FYB1: variants seen among roughly 807,000 people sequenced by gnomAD.
FYB1 encodes FYN-binding protein 1.
A neutral mutation model predicts 94.1 loss-of-function variants in FYB1; 41 were observed. The observed-to-expected ratio is 0.44, with a 90% confidence interval of 0.34 to 0.57. The LOEUF (loss-of-function observed/expected upper bound fraction) is 0.57. Ranked by LOEUF, FYB1 falls within the 20% of genes least tolerant of loss-of-function variation. FYB1 has a pLI of 0.02. For missense variants in FYB1, 1,050 were observed against 976.8 expected, an observed-to-expected ratio of 1.07 and a Z score of -1.00; for synonymous variants, 367 against 353.2, an observed-to-expected ratio of 1.04 and a Z score of -0.44.
chr5:39,136,084 T>C (rs1561157344), intron 7 of FYB1, among the ~76,000 whole-genome samples: 1 of 152,190 alleles, frequency 6.6e-6, no homozygotes, highest in Non-Finnish European at 1.5e-5. Context: ...TGTTATTTTT[T>C]TTTGAGATGG....
At chr5:39,153,750 A>G in intron 2 of FYB1, 146 bp from the exon 3 acceptor site, 1 of 709,230 alleles carries the variant, frequency 1.4e-6, no homozygotes, top group Non-Finnish European at 2.3e-6. Flanking sequence ...GAGTATGTTT[A>G]TTTTATTATT....
intron 14 of FYB1, among the ~76,000 whole-genome samples, chr5:39,120,563 G>A (rs1739995612): frequency 1.3e-5 from 2 of 152,008 alleles, no homozygotes; most frequent in African/African-American, 2.4e-5. Flanking sequence ...GCAAGGTCCA[G>A]GTAGTGCTAG....
intron 2 of FYB1, among the ~76,000 whole-genome samples, chr5:39,187,734 G>T (rs1467322671): frequency 6.6e-6 from 1 of 152,170 alleles, no homozygotes; most frequent in Non-Finnish European, 1.5e-5. Flanking sequence ...TATCAACATA[G>T]AGGCAGCTCT....
chr5:39,176,211 C>T (rs10079385), intron 2 of FYB1, among the ~76,000 whole-genome samples: 3,932 of 136,398 alleles, frequency 0.029, 187 homozygotes, highest in African/African-American at 0.1. Flanking sequence ...AGTGCAATGG[C>T]GCGATCTTGG....
chr5:39,236,218 A>C lies in FYB1; in HGVS notation c.-27-33231T>G, dbSNP rs1053892303. ...TTCCTTTGCTTTGAAGTTAAGGATA[A>C]ATATGAAAATAATCACTAGAAAATT... On this transcript the variant is annotated intron_variant, in intron 1 of 1. Coordinates refer to the FYB1 transcript ENST00000510188. Among the ~76,000 whole-genome samples, 4 of 152,104 alleles carry C rather than the reference A, an allele frequency of 2.6e-5. 1 individual carries two copies. In the South Asian group the frequency reaches 8.3e-4, roughly 31 times the overall value.
chr5:39,224,939 T>C (rs1303603595), intron 1 of FYB1, among the ~76,000 whole-genome samples: 1 of 152,140 alleles, frequency 6.6e-6, no homozygotes, highest in African/African-American at 2.4e-5. Flanking sequence ...AGAAATGCAT[T>C]TATATTACGG....
intron 1 of FYB1, among the ~76,000 whole-genome samples, chr5:39,216,231 A>C (rs187145479): frequency 1.3e-5 from 2 of 152,348 alleles, no homozygotes. Flanking sequence ...ACACGCCCTT[A>C]CAAAACTCCC....
chr5:39,235,775 A>G (rs1292770907), intron 1 of FYB1, among the ~76,000 whole-genome samples: 2 of 152,086 alleles, frequency 1.3e-5, no homozygotes, highest in African/African-American at 4.8e-5. Flanking sequence ...CTAATATATC[A>G]TCAGCTGCCA....
intron 8 of FYB1, 63 bp from the exon 9 acceptor site, chr5:39,134,412 T>A: frequency 3.0e-6 from 4 of 1,329,586 alleles, no homozygotes; most frequent in Non-Finnish European, 4.1e-6. Context: ...AAGTTGTGAA[T>A]AAAATATCAA....
intron 16 of FYB1, among the ~76,000 whole-genome samples, chr5:39,111,134 C>T (rs999237618): frequency 2.0e-5 from 3 of 151,872 alleles, no homozygotes; most frequent in Non-Finnish European, 4.4e-5. Context: ...ATTTGCCTCT[C>T]ATTGTGCAAA....
At chr5:39,112,979 G>A (rs1174633533) in intron 16 of FYB1, among the ~76,000 whole-genome samples, 1 of 152,040 alleles carries the variant, frequency 6.6e-6, no homozygotes, top group East Asian at 1.9e-4. Context: ...TGATAACACG[G>A]GGCTTGTTAG....
chr5:39,197,107 G>A (rs1483570147), intron 2 of FYB1, among the ~76,000 whole-genome samples: 1 of 152,094 alleles, frequency 6.6e-6, no homozygotes, highest in East Asian at 1.9e-4. Flanking sequence ...AGTTTAAAAG[G>A]CATATAGAGT....
chr5:39,185,616 A>G (rs1440620860), intron 2 of FYB1, among the ~76,000 whole-genome samples: 1 of 141,296 alleles, frequency 7.1e-6, no homozygotes, highest in Non-Finnish European at 1.5e-5. Flanking sequence ...ACACATATAT[A>G]TATATACACA....
At chr5:39,166,452 A>G (rs1744748699) in intron 2 of FYB1, among the ~76,000 whole-genome samples, 1 of 144,924 alleles carries the variant, frequency 6.9e-6, no homozygotes, top group Non-Finnish European at 1.5e-5. Flanking sequence ...AAAAAAAAAA[A>G]GAAATAAAGA....
intron 1 of FYB1, among the ~76,000 whole-genome samples, chr5:39,215,978 G>GA (rs1749831068): frequency 6.6e-6 from 1 of 152,078 alleles, no homozygotes; most frequent in South Asian, 2.1e-4. Flanking sequence ...GAAGAGGAGA[G>GA]GGCCATTTTA....
chr5:39,113,278 C>G (rs2150261901), intron 16 of FYB1, among the ~76,000 whole-genome samples: 1 of 152,062 alleles, frequency 6.6e-6, no homozygotes, highest in African/African-American at 2.4e-5. Context: ...CATGAAATAA[C>G]AACAACAACA....
chr5:39,107,408 C>A lies in FYB1; in HGVS notation c.*35G>T. The A allele has an allele frequency of 2.0e-6, 3 of 1,471,224 alleles. No homozygotes were observed. Among genetic ancestry groups the A allele is most frequent in the Admixed American group, 2.2e-5 (1 of 45,888 alleles). 91.1% of individuals were successfully genotyped at this position (1,471,224 alleles called of 1,614,324 possible). ...TTAAAATCCAGACTTCACATTGGCACCTAATGAACACAGCAGAATGACCAA... is the reference window on the plus strand; with the variant it reads ...TTAAAATCCAGACTTCACATTGGCAACTAATGAACACAGCAGAATGACCAA... On this transcript the variant is annotated 3_prime_UTR_variant, in exon 19 of 19. Transcript: ENST00000512982.
chr5:39,242,117 T>G (rs1751236027), intron 1 of FYB1, among the ~76,000 whole-genome samples: 1 of 152,088 alleles, frequency 6.6e-6, no homozygotes, highest in East Asian at 1.9e-4. Context: ...CTCAAAACAT[T>G]TTTCAATCTA....
Position 39,237,817 on chromosome 5 carries a change from G to A in FYB1, c.-27-34830C>T, listed in dbSNP as rs192961699. Among the ~76,000 whole-genome samples the A allele has an allele frequency of 7.9e-5, 12 of 152,210 alleles. No homozygotes were observed. The East Asian group carries it at 2.3e-3, about 29-fold the overall frequency. ...GAATGAGAGGTTTCTTAGAGATAGA[G>A]ATTATCTGCATTGAAAATGGAAATC... On this transcript the variant is annotated intron_variant, in intron 1 of 1. Transcript: ENST00000510188.
Sources: allele counts gnomAD v4.1 joint callset (sites outside exome capture counted in the v4.1 genomes callset), GRCh38; gene constraint gnomAD v4.1.1; transcripts MANE v1.5; gene names NCBI Gene and HGNC (gene_info 2026-07-23, HGNC 2026-07-21).